Variants in GPN2 observed in about 807,000 individuals in gnomAD.
The protein encoded by GPN2 is ATP-binding domain 1 family member B.
In GPN2, 27 loss-of-function variants were observed where a neutral mutation model predicts 30.1. The ratio of observed to expected loss-of-function variants is 0.90; its 90% CI spans 0.66 to 1.24. GPN2 has a LOEUF of 1.24. Among genes scored for constraint, GPN2 ranks in the 50% most tolerant of loss-of-function variants. The probability of loss-of-function intolerance (pLI) is 0.00; values close to 1 mark genes in which losing one functional copy is unlikely to be tolerated. For synonymous variants in GPN2, 212 were observed against 174.4 expected, an observed-to-expected ratio of 1.22 and a Z score of -1.70; for missense variants, 406 against 405.4, an observed-to-expected ratio of 1.00 and a Z score of -0.01.
intron 4 of GPN2, among the ~76,000 whole-genome samples, chr1:26,882,592 T>C (rs879742772): frequency 6.6e-6 from 1 of 152,176 alleles, no homozygotes; most frequent in Non-Finnish European, 1.5e-5. Context: ...TTTTCCTCTA[T>C]ACCCTAAGAC....
At chr1:26,881,011 G>C (rs561916836) in intron 4 of GPN2, among the ~76,000 whole-genome samples, 1 of 152,312 alleles carries the variant, frequency 6.6e-6, no homozygotes, top group African/African-American at 2.4e-5. Context: ...TGAATCTTAA[G>C]GGGGTTAGGG....
chr1:26,880,758 C>T (rs1159932639), intron 4 of GPN2, among the ~76,000 whole-genome samples: 1 of 152,240 alleles, frequency 6.6e-6, no homozygotes, highest in African/African-American at 2.4e-5. Context: ...GAAGCCATTA[C>T]ACTTGGCCCA....
chr1:26,881,259 A>T (rs1307863344), intron 4 of GPN2, among the ~76,000 whole-genome samples: 1 of 152,202 alleles, frequency 6.6e-6, no homozygotes, highest in Non-Finnish European at 1.5e-5. Flanking sequence ...ATAACCTACC[A>T]CACATCATAG....
intron 3 of GPN2, among the ~76,000 whole-genome samples, chr1:26,885,742 G>T (rs2081887212): frequency 6.6e-6 from 1 of 152,002 alleles, no homozygotes; most frequent in Non-Finnish European, 1.5e-5. Context: ...ACCACGCCCA[G>T]CTAATTTTTT....
intron 1 of GPN2, 73 bp downstream of exon 1, chr1:26,889,613 G>T: frequency 1.4e-6 from 2 of 1,401,500 alleles, no homozygotes; most frequent in Admixed American, 2.2e-5. Context: ...TGTGTGACAT[G>T]GGGGCGTGGC....
chr1:26,884,913 C>T (rs2081883043), intron 3 of GPN2, among the ~76,000 whole-genome samples: 1 of 152,082 alleles, frequency 6.6e-6, no homozygotes, highest in Non-Finnish European at 1.5e-5. Flanking sequence ...ACCCAGGAGG[C>T]AGAGGTTGCA....
In GPN2 at chr1:26,890,139, G is replaced by T; in HGVS notation, c.-43C>A. 1 of 1,452,172 alleles carries T rather than the reference G, an allele frequency of 6.9e-7. No homozygotes were observed. Among genetic ancestry groups the T allele is most frequent in the Non-Finnish European group, 9.1e-7 (1 of 1,104,634 alleles). 90.0% of individuals were successfully genotyped at this position (1,452,172 alleles called of 1,614,324 possible). A position where few individuals can be genotyped will look rare whatever the true frequency, so the allele number is the denominator to read the frequency against. ...GAGCAGGTCAACTCACAGGGAAAAC[G>T]GGGCAGGTAGCCGCGCCGGAGACGA... On this transcript the variant is annotated 5_prime_UTR_variant, in exon 1 of 5. Coordinates refer to ENST00000374135, the MANE Select transcript of GPN2 (RefSeq NM_018066.4).
chr1:26,885,966 C>T lies in GPN2; in HGVS notation c.729+7G>A. On this transcript the variant is annotated splice_region_variant and intron_variant, in intron 3 of 4. Transcript: ENST00000374135. ...ACTGTCAAGAGTCCCGTCTTAGCCC[C>T]TAGTACCTGGATGTTGAGAGGGATA... 1 of 1,605,946 alleles carries T rather than the reference C, an allele frequency of 6.2e-7. No homozygotes were observed. The highest frequency in any genetic ancestry group is 8.5e-7 in the Non-Finnish European group (1 of 1,172,774).
chr1:26,889,100 GA>G lies in GPN2; in HGVS notation c.436del (p.Ser146LeufsTer80). On this transcript the variant is annotated frameshift_variant, in exon 2 of 5. Transcript: ENST00000374135. LOFTEE classifies it high-confidence loss of function. ...CTTGGCAGGGTCTGTGCAGTAGTGA[GA>G]ATCCACGAGGTGGACGGCAGTCAGC... ...LRLTAVHLVD[S>X]HYCTDPAKFI... The G allele has an allele frequency of 6.2e-7, 1 of 1,613,920 alleles. No homozygotes were observed. The highest frequency in any genetic ancestry group is 8.5e-7 in the Non-Finnish European group (1 of 1,179,798).
Position 26,889,043 on chromosome 1 carries a change from G to T in GPN2, c.494C>A (p.Thr165Asn). 6.2e-7 allele frequency: 1 copy of T among 1,614,152 alleles called. No homozygotes were observed. The highest frequency in any genetic ancestry group is 8.5e-7 in the Non-Finnish European group (1 of 1,179,944). The change falls in exon 2 of 5, where the codon ACC (threonine) becomes AAC (asparagine). Residue 165 changes from threonine to asparagine, a missense_variant. Physicochemically the swap from Thr to Asn is moderately conservative, Grantham distance 65. Transcript: ENST00000374135. ...FISVLCTSLA[T>N]MLHVELPHIN... is the part of the protein sequence containing the mutation. The stretch of plus-strand genomic sequence containing the variant: ...GTGGGGCAGTTCCACGTGCAGCATG[G>T]TGGCCAGGGAGGTACACAGTACTGA...
At chr1:26,888,079 C>T (rs1354752076) in intron 2 of GPN2, among the ~76,000 whole-genome samples, 2 of 151,812 alleles carry the variant, frequency 1.3e-5, no homozygotes, top group African/African-American at 2.4e-5. Context: ...AAGCTGGTCT[C>T]GAACTCCTGA....
Position 26,877,382 on chromosome 1 carries a change from C to A in GPN2, c.*2295G>T, listed in dbSNP as rs76995736. ...CAAAGCAGTCAGTCCTATTTCAATG[C>A]TGTTTCAGAACAGATGTCCCTAAAT... On this transcript the variant is annotated 3_prime_UTR_variant, in exon 5 of 5. Transcript: ENST00000374135. 0.063 allele frequency: 9,554 copies of A among 152,308 alleles called. 373 individuals are homozygous for A. The highest frequency in any genetic ancestry group is 0.086 in the Non-Finnish European group (5,860 of 68,058). 9.4% of individuals were successfully genotyped at this position (152,308 alleles called of 1,614,324 possible).
intron 4 of GPN2, among the ~76,000 whole-genome samples, chr1:26,881,611 T>A (rs1431744352): frequency 6.6e-6 from 1 of 152,250 alleles, no homozygotes; most frequent in Non-Finnish European, 1.5e-5. Context: ...CACACGCCCA[T>A]AGTCCTAGCT....
Position 26,879,751 on chromosome 1 carries a change from T to C in GPN2, c.861-2A>G. ...TACTTCTCCTGGATGCCCAGTGTGC[T>C]GAGGAAGGGTGCGTCAAGGCTGATA... On this transcript the variant is annotated splice_acceptor_variant, in intron 4 of 4. Coordinates refer to ENST00000374135, the MANE Select transcript of GPN2 (RefSeq NM_018066.4). LOFTEE classifies it high-confidence loss of function. The C allele has an allele frequency of 1.2e-6, 2 of 1,612,422 alleles. No individual in the cohort carries two copies. The highest frequency in any genetic ancestry group is 8.5e-7 in the Non-Finnish European group (1 of 1,178,672).
rs1290143113 is a variant in GPN2, at chr1:26,890,270, A to C, written c.-174T>G. On this transcript the variant is annotated 5_prime_UTR_variant, in exon 1 of 5. Transcript: ENST00000374135. ...TCGCGCAAAAGGAGATAACAGGCCG[A>C]TACTAACTAGACTAACTCGACTTCC... 8.7e-6 allele frequency: 5 copies of C among 574,360 alleles called. No homozygotes were observed. Among genetic ancestry groups the C allele is most frequent in the Non-Finnish European group, 1.5e-5 (5 of 339,780 alleles). 35.6% of individuals were successfully genotyped at this position (574,360 alleles called of 1,614,324 possible).
chr1:26,889,648 T>C, intron 1 of GPN2, 38 bp downstream of exon 1: 1 of 1,540,658 alleles, frequency 6.5e-7, no homozygotes, highest in Non-Finnish European at 8.8e-7. Flanking sequence ...TCTCAGTTAC[T>C]CCATCCGCAA....
At chr1:26,885,463 T>G (rs1331310123) in intron 3 of GPN2, among the ~76,000 whole-genome samples, 1 of 151,048 alleles carries the variant, frequency 6.6e-6, no homozygotes, top group Non-Finnish European at 1.5e-5. Flanking sequence ...CAACACAAAA[T>G]AGACAGGGCA....
intron 2 of GPN2, among the ~76,000 whole-genome samples, chr1:26,888,423 G>A (rs1018341969): frequency 1.3e-5 from 2 of 152,318 alleles, no homozygotes; most frequent in Middle Eastern, 3.4e-3. Flanking sequence ...AGAACTGTGA[G>A]AAATAAATAT....
rs746406041 is a variant in GPN2, at chr1:26,889,165, C to T, written c.412-40G>A. On this transcript the variant is annotated intron_variant, in intron 1 of 4. Transcript: ENST00000374135. The stretch of plus-strand genomic sequence containing the variant: ...ACAGGGTGAGAGTGGCCTGGAGAAA[C>T]AGGGATCAGCATTCCCTCATGAGAA... The T allele has an allele frequency of 2.5e-5, 39 of 1,531,712 alleles. No individual in the cohort carries two copies. The Admixed American group carries it at 6.3e-4, about 25-fold the overall frequency. 94.9% of individuals were successfully genotyped at this position (1,531,712 alleles called of 1,614,324 possible).
Sources: gnomAD v4.1 joint callset for allele counts (sites outside exome capture counted in the v4.1 genomes callset) on GRCh38, gnomAD v4.1.1 for gene constraint, MANE v1.5 for transcripts, NCBI Gene and HGNC (gene_info 2026-07-23, HGNC 2026-07-21) for gene names.